Variants in TUBGCP5 observed in about 807,000 individuals in gnomAD.
TUBGCP5 encodes the protein tubulin gamma complex component 5, also known as gamma-tubulin complex component 5.
Under a neutral mutation model 134.7 loss-of-function variants are expected in TUBGCP5, and 98 were observed. The observed-to-expected ratio is 0.73, with a 90% confidence interval of 0.62 to 0.86. The LOEUF (loss-of-function observed/expected upper bound fraction) is 0.86. Ranked by LOEUF, TUBGCP5 falls within the 40% of genes least tolerant of loss-of-function variation. The probability of loss-of-function intolerance (pLI) is 0.00; values close to 1 mark genes in which losing one functional copy is unlikely to be tolerated. For synonymous variants in TUBGCP5, 456 were observed against 431.4 expected, an observed-to-expected ratio of 1.06 and a Z score of -0.71; for missense variants, 1,150 against 1,244.8, an observed-to-expected ratio of 0.92 and a Z score of 1.15.
At chr15:23,010,867 T>C (rs2064996818) in intron 14 of TUBGCP5, among the ~76,000 whole-genome samples, 1 of 151,574 alleles carries the variant, frequency 6.6e-6, no homozygotes, top group East Asian at 1.9e-4. Context: ...TAGTCCCAGG[T>C]AGCTGGGAGG....
intron 13 of TUBGCP5, among the ~76,000 whole-genome samples, chr15:23,012,035 T>C (rs1268727005): frequency 6.7e-6 from 1 of 148,182 alleles, no homozygotes; most frequent in Non-Finnish European, 1.5e-5. Context: ...GCGTGAGCAC[T>C]GGCAGGTGAA....
In TUBGCP5 at chr15:23,018,046, A is replaced by C; in HGVS notation, c.1488-5T>G. ...TTAACTGGAACATTTTTGTTTCTAA[A>C]GAGATTCAAAAGAATTTTAAACTCT... On this transcript the variant is annotated splice_polypyrimidine_tract_variant and splice_region_variant and intron_variant, in intron 12 of 22. Coordinates refer to ENST00000615383, the MANE Select transcript of TUBGCP5 (RefSeq NM_052903.6). 2 of 1,599,050 alleles carry C rather than the reference A, an allele frequency of 1.3e-6. No individual in the cohort carries two copies. Among genetic ancestry groups the C allele is most frequent in the Non-Finnish European group, 1.7e-6 (2 of 1,172,204 alleles).
chr15:22,985,002 T>C (rs1288837938), intron 23 of TUBGCP5, among the ~76,000 whole-genome samples: 1 of 152,086 alleles, frequency 6.6e-6, no homozygotes, highest in Non-Finnish European at 1.5e-5. Flanking sequence ...GTGTCCAGAA[T>C]ATGTAAAGAA....
chr15:22,983,744 C>G (rs1017531762), intron 23 of TUBGCP5: 3 of 152,204 alleles, frequency 2.0e-5, no homozygotes, highest in African/African-American at 7.2e-5. Flanking sequence ...TTATACTGTA[C>G]TAGTAGTCCC....
intron 13 of TUBGCP5, among the ~76,000 whole-genome samples, chr15:23,017,291 T>C (rs1309048004): frequency 2.0e-5 from 3 of 151,978 alleles, no homozygotes; most frequent in African/African-American, 7.3e-5. Flanking sequence ...TAATGTATTA[T>C]AGAGTTGCAC....
chr15:23,014,820 A>C (rs2065225616), intron 13 of TUBGCP5, among the ~76,000 whole-genome samples: 1 of 152,158 alleles, frequency 6.6e-6, no homozygotes, highest in South Asian at 2.1e-4. Flanking sequence ...AATGACCCTG[A>C]GGGCTGTTCT....
At chr15:22,987,533 G>A (rs1418708989) in intron 23 of TUBGCP5, among the ~76,000 whole-genome samples, 2 of 151,906 alleles carry the variant, frequency 1.3e-5, no homozygotes, top group Non-Finnish European at 2.9e-5. Context: ...ATTAGGAGGT[G>A]GGGCCTTTGG....
rs1168615952 is a variant in TUBGCP5, at chr15:23,001,509, A to C, written c.2928-840T>G. On this transcript the variant is annotated intron_variant, in intron 21 of 22. Transcript: ENST00000615383. ...CAGGCATGCACCACCACGCCTGGCT[A>C]ATTTTGTATTTTTAGTAGAGATGGA... 2.0e-5 allele frequency among the ~76,000 whole-genome samples: 3 copies of C among 150,284 alleles called. No individual in the cohort carries two copies. The East Asian group carries it at 5.9e-4, about 29-fold the overall frequency.
chr15:23,039,295 G>A (rs2140737247), intron 1 of TUBGCP5, 103 bp downstream of exon 1: 5 of 1,195,564 alleles, frequency 4.2e-6, no homozygotes, highest in East Asian at 3.5e-5. Context: ...GCCCGCCTCC[G>A]CCCCATGCCC....
chr15:23,012,434 G>A (rs944427668), intron 13 of TUBGCP5, among the ~76,000 whole-genome samples: 1 of 151,804 alleles, frequency 6.6e-6, no homozygotes, highest in African/African-American at 2.4e-5. Context: ...TTGACATGGA[G>A]TCTCACTCTG....
Position 22,999,426 on chromosome 15 carries a change from G to T in TUBGCP5, c.*394C>A. On this transcript the variant is annotated 3_prime_UTR_variant, in exon 23 of 23. Coordinates refer to ENST00000615383, the MANE Select transcript of TUBGCP5 (RefSeq NM_052903.6). ...GGGCAAGTGGTTCTTTCTGAGTCAGGGTCTCACTCTGTCACCCAGGTTGCA... is the reference window on the plus strand; with the variant it reads ...GGGCAAGTGGTTCTTTCTGAGTCAGTGTCTCACTCTGTCACCCAGGTTGCA... 4.3e-6 allele frequency: 1 copy of T among 230,808 alleles called. No individual in the cohort carries two copies. The highest frequency in any genetic ancestry group is 8.8e-6 in the Non-Finnish European group (1 of 114,148). The allele number at this position is 230,808 out of a possible 1,614,324, so 14.3% of individuals were successfully genotyped here.
chr15:23,010,167 A>G, intron 14 of TUBGCP5, 34 bp from the exon 15 acceptor site: 1 of 1,591,790 alleles, frequency 6.3e-7, no homozygotes. Flanking sequence ...TCTTTTTATG[A>G]GCTGCTGTCA....
rs112037773 is a variant in TUBGCP5 at position 22,988,481 on chromosome 15, C to T, written c.*62-4870G>A. ...GGTTGCGGTGGCTGAAGCCTGTAAT[C>T]CCAGCACTTTGGGAGGCCAAGGCGG... On this transcript the variant is annotated intron_variant and NMD_transcript_variant, in intron 23 of 23. Coordinates refer to the TUBGCP5 transcript ENST00000614508. 8.6e-3 allele frequency among the ~76,000 whole-genome samples: 1,302 copies of T among 151,744 alleles called. 40 individuals carry two copies. Among genetic ancestry groups the T allele is most frequent in the African/African-American group, 0.031 (1,266 of 41,238 alleles).
chr15:23,032,824 T>C lies in TUBGCP5; in HGVS notation c.310A>G (p.Thr104Ala). The C allele has an allele frequency of 1.3e-6, 2 of 1,553,900 alleles. No homozygotes were observed. The highest frequency in any genetic ancestry group is 1.4e-5 in the African/African-American group (1 of 72,286). Residue 104 changes from threonine (T) to alanine (A), a missense_variant and splice_region_variant, in exon 4 of 23, where the codon ACA becomes GCA. Around this residue, in one of 2 missense-constraint regions of TUBGCP5, gnomAD observed 453 missense variants for 394.7 expected, o/e 1.15. Transcript: ENST00000615383. Reference protein sequence around the residue: ...APLPSIKEIKTDAHYSILSLL... With the variant: ...APLPSIKEIKADAHYSILSLL... ...GACAGTATGGAATAATGTGCATCTG[T>C]CTTTAAAACAAAAAAAAGAACATAA... is the stretch of plus-strand genomic sequence containing the variant.
At chr15:23,019,133 C>T in intron 12 of TUBGCP5, 86 bp downstream of exon 12, 1 of 951,380 alleles carries the variant, frequency 1.1e-6, no homozygotes, top group Non-Finnish European at 1.6e-6. Context: ...TCAGTACTGT[C>T]TGAAACTAAC....
chr15:23,003,645 T>G (rs868677806), intron 20 of TUBGCP5, among the ~76,000 whole-genome samples: 6 of 117,402 alleles, frequency 5.1e-5, no homozygotes, highest in East Asian at 6.6e-4. Context: ...TTTTTTTTTT[T>G]TTTTTTTTTT....
chr15:22,995,795 A>G (rs954436573), downstream of TUBGCP5, among the ~76,000 whole-genome samples: 1 of 151,796 alleles, frequency 6.6e-6, no homozygotes, highest in African/African-American at 2.4e-5. Context: ...TTCAGGTAAC[A>G]TGTCATGGCC....
At chr15:22,985,057 G>T (rs1011922860) in intron 23 of TUBGCP5, among the ~76,000 whole-genome samples, 9 of 152,016 alleles carry the variant, frequency 5.9e-5, no homozygotes, top group Non-Finnish European at 1.3e-4. Flanking sequence ...TAGGGCAAAA[G>T]ACTTTAACTC....
Position 23,013,445 on chromosome 15 carries a change from CA to C in TUBGCP5, c.1757-2115del, listed in dbSNP as rs1211353447. On this transcript the variant is annotated intron_variant, in intron 13 of 22. Coordinates refer to ENST00000615383, the MANE Select transcript of TUBGCP5 (RefSeq NM_052903.6). This position sits in a 1 kb window ranked among gnomAD's most constrained non-coding sequence, Gnocchi z 4.5. Reference sequence around the variant, plus strand: ...TGGGCGACAGGGAAAGACTCCGTCTCAAAAAAAAAAGATCCGACTGGAGTTG... The same window carrying C: ...TGGGCGACAGGGAAAGACTCCGTCTCAAAAAAAAAGATCCGACTGGAGTTG... Among the ~76,000 whole-genome samples the C allele has an allele frequency of 1.2e-4, 17 of 146,458 alleles. No individual in the cohort carries two copies. Among genetic ancestry groups the C allele is most frequent in the South Asian group, 2.2e-4 (1 of 4,576 alleles).
Sources: gnomAD v4.1 joint callset for allele counts (sites outside exome capture counted in the v4.1 genomes callset) on GRCh38, gnomAD v4.1.1 for gene constraint, gnomAD v4.1.1 regional missense constraint, Gnocchi (gnomAD v3.1) non-coding constraint, MANE v1.5 for transcripts, NCBI Gene and HGNC (gene_info 2026-07-23, HGNC 2026-07-21) for gene names.